MNDA: variants seen among roughly 807,000 people sequenced by gnomAD.
The protein encoded by MNDA is myeloid cell nuclear differentiation antigen, also known as epididymis secretory sperm binding protein.
MNDA carries 43 observed loss-of-function variants against 37.8 expected under a neutral mutation model. That is an observed-to-expected ratio of 1.14 (90% CI 0.89 to 1.47). The LOEUF is 1.47. MNDA is among the 40% of genes most tolerant of loss of function. MNDA has a pLI of 0.00. For missense variants in MNDA, 536 were observed against 476.0 expected, an observed-to-expected ratio of 1.13 and a Z score of -1.17; for synonymous variants, 181 against 169.0, an observed-to-expected ratio of 1.07 and a Z score of -0.55.
intron 1 of MNDA, among the ~76,000 whole-genome samples, chr1:158,833,901 T>C (rs1226233566): frequency 6.6e-6 from 1 of 152,224 alleles, no homozygotes; most frequent in Non-Finnish European, 1.5e-5. Context: ...GGTAATGTTA[T>C]TTTTAATTTT....
At position 158,843,820 on chromosome 1, in the gene MNDA, T is replaced by G. The variant is rs1659078428; in HGVS notation, c.403-135T>G. The G allele has an allele frequency of 4.1e-6, 3 of 734,742 alleles. No homozygotes were observed. The South Asian group carries it at 6.1e-5, about 15-fold the overall frequency. The allele number at this position is 734,742 out of a possible 1,614,324, so 45.5% of individuals were successfully genotyped here. A position where few individuals can be genotyped will look rare whatever the true frequency, so the allele number is the denominator to read the frequency against. Reference sequence around the variant, plus strand: ...TTGTCCATATCTTCAAGTGACAGATTGTAATTCCCTGGGGTTTCCAAGGAC... The same window carrying G: ...TTGTCCATATCTTCAAGTGACAGATGGTAATTCCCTGGGGTTTCCAAGGAC... On this transcript the variant is annotated intron_variant, in intron 3 of 6. Transcript: ENST00000368141.
chr1:158,834,049 A>C (rs1387817731), intron 1 of MNDA, among the ~76,000 whole-genome samples: 1 of 152,132 alleles, frequency 6.6e-6, no homozygotes, highest in Non-Finnish European at 1.5e-5. Flanking sequence ...AGTACCAAAA[A>C]ACATCATCCT....
At position 158,845,772 on chromosome 1, in the gene MNDA, C is replaced by G; in HGVS notation, c.756C>G (p.Phe252Leu). Residue 252 changes from phenylalanine to leucine, a missense_variant, in exon 5 of 7, where the codon TTC becomes TTG. Physicochemically the swap from Phe to Leu is conservative, Grantham distance 22. Transcript: ENST00000368141. ...SKTQYFHVKV[F>L]DINLKEKFVR... is the part of the protein sequence containing the mutation. ...CTCAATATTTCCATGTGAAAGTCTTCGACATCAACTTGAAAGAGAAATTTG... is the reference window on the plus strand; with the variant it reads ...CTCAATATTTCCATGTGAAAGTCTTGGACATCAACTTGAAAGAGAAATTTG... 1 of 1,613,978 alleles carries G rather than the reference C, an allele frequency of 6.2e-7. No individual in the cohort carries two copies. Among genetic ancestry groups the G allele is most frequent in the Non-Finnish European group, 8.5e-7 (1 of 1,179,974 alleles).
In MNDA at chr1:158,847,226, T is replaced by C. The variant is rs188918542; in HGVS notation, c.988-502T>C. 7.9e-5 allele frequency among the ~76,000 whole-genome samples: 12 copies of C among 152,300 alleles called. No homozygotes were observed. The East Asian group carries it at 2.3e-3, about 29-fold the overall frequency. On this transcript the variant is annotated intron_variant, in intron 5 of 6. Transcript: ENST00000368141. ...GGTACAATGTACACTACTTGGGTAA[T>C]GGCTGCCCTAAAATCTCAGAATTCA...
At chr1:158,831,847 G>T (rs904352682) in intron 1 of MNDA, among the ~76,000 whole-genome samples, 3 of 152,036 alleles carry the variant, frequency 2.0e-5, no homozygotes, top group African/African-American at 7.2e-5. Flanking sequence ...GGTTTTCTTG[G>T]CTGGAGGATG....
chr1:158,849,066 A>T, intron 6 of MNDA, 124 bp from the exon 7 acceptor site: 1 of 580,970 alleles, frequency 1.7e-6, no homozygotes. Flanking sequence ...GAGCTTTCAT[A>T]GGGGATAAGG....
chr1:158,839,140 C>T (rs1658981096), intron 1 of MNDA, among the ~76,000 whole-genome samples: 1 of 151,966 alleles, frequency 6.6e-6, no homozygotes, highest in Non-Finnish European at 1.5e-5. Flanking sequence ...TTACCTGTTT[C>T]TTTGTATACC....
rs376308458 is a variant in MNDA, at chr1:158,844,007, C to T, written c.455C>T (p.Ser152Phe). ...ACTGAAGCCAAAAGGAATAAGGTGT[C>T]CCAAGAGCAGAGTAAGCCCCCAGGT... ...EKTEAKRNKV[S>F]QEQSKPPGPS... The change falls in exon 4 of 7, where the codon TCC becomes TTC. Residue 152 changes from serine to phenylalanine, a missense_variant. By Grantham distance (155) the Ser-to-Phe change is radical (BLOSUM62 -2). Transcript: ENST00000368141. The T allele has an allele frequency of 6.2e-6, 10 of 1,613,114 alleles. No homozygotes were observed. The highest frequency in any genetic ancestry group is 4.4e-5 in the South Asian group (4 of 90,958).
intron 6 of MNDA, among the ~76,000 whole-genome samples, chr1:158,848,421 G>A (rs998861772): frequency 2.6e-5 from 4 of 151,828 alleles, no homozygotes; most frequent in Non-Finnish European, 5.9e-5. Context: ...GGGACTTTTA[G>A]GCAAAGGAAA....
At chr1:158,846,608 C>T (rs921797794) in intron 5 of MNDA, among the ~76,000 whole-genome samples, 1 of 151,814 alleles carries the variant, frequency 6.6e-6, no homozygotes, top group Admixed American at 6.6e-5. Flanking sequence ...AAGGCAATCT[C>T]TTCATACTAT....
intron 1 of MNDA, 41 bp downstream of exon 1, chr1:158,831,598 T>C (rs1364336859): frequency 6.6e-6 from 1 of 152,210 alleles, no homozygotes; most frequent in Non-Finnish European, 1.5e-5. Flanking sequence ...GATCTAGGTA[T>C]CTAGTTGGTA....
At position 158,842,139 on chromosome 1, in the gene MNDA, G is replaced by A. The variant is rs1423754181; in HGVS notation, c.-15G>A. ...GTGTCATTTTTACTTTATAGGCCAAGCTATAACATCAGAAATGGTGAATGA... is the reference window on the plus strand; with the variant it reads ...GTGTCATTTTTACTTTATAGGCCAAACTATAACATCAGAAATGGTGAATGA... On this transcript the variant is annotated 5_prime_UTR_variant, in exon 2 of 7. Coordinates refer to ENST00000368141, the MANE Select transcript of MNDA (RefSeq NM_002432.3). The A allele has an allele frequency of 6.3e-7, 1 of 1,598,828 alleles. No individual in the cohort carries two copies.
chr1:158,841,582 G>A (rs1376881958), intron 1 of MNDA, among the ~76,000 whole-genome samples: 1 of 152,180 alleles, frequency 6.6e-6, no homozygotes, highest in Non-Finnish European at 1.5e-5. Context: ...GAGAAAAAGT[G>A]CTAACGAGAG....
intron 1 of MNDA, among the ~76,000 whole-genome samples, chr1:158,838,905 G>C (rs1432080704): frequency 6.6e-6 from 1 of 152,060 alleles, no homozygotes; most frequent in African/African-American, 2.4e-5. Flanking sequence ...GTGTTTTTCA[G>C]CTTCAGAATT....
In MNDA at chr1:158,842,226, AT is replaced by A. The variant is rs775955715; in HGVS notation, c.75del (p.Lys26SerfsTer8). 3 of 1,614,030 alleles carry A rather than the reference AT, an allele frequency of 1.9e-6. No homozygotes were observed. Among genetic ancestry groups the A allele is most frequent in the Non-Finnish European group, 2.5e-6 (3 of 1,179,900 alleles). On this transcript the variant is annotated frameshift_variant, in exon 2 of 7. Coordinates refer to ENST00000368141, the MANE Select transcript of MNDA (RefSeq NM_002432.3). LOFTEE classifies it high-confidence loss of function. Reference sequence around the variant, plus strand: ...CATGGATGATTATCATTTTACATCAATTAAGTCCTTACTGGCCTATGATTTA... The same window carrying A: ...CATGGATGATTATCATTTTACATCAATAAGTCCTTACTGGCCTATGATTTA... ...ELMDDYHFTS[I>X]KSLLAYDLGL...
intron 4 of MNDA, among the ~76,000 whole-genome samples, chr1:158,845,148 G>A (rs1424174955): frequency 1.3e-5 from 2 of 152,306 alleles, no homozygotes; most frequent in East Asian, 1.9e-4. Flanking sequence ...ATCTGTGAAA[G>A]TTGTTGGGTC....
Position 158,835,615 on chromosome 1 carries a change from T to TG in MNDA, c.-21+4063dup, listed in dbSNP as rs1340462483. 8.2e-3 allele frequency among the ~76,000 whole-genome samples: 316 copies of TG among 38,554 alleles called. 2 individuals carry two copies. Among genetic ancestry groups the TG allele is most frequent in the African/African-American group, 0.015 (140 of 9,654 alleles). The allele number at this position is 38,554 out of a possible 152,430, so 25.3% of individuals were successfully genotyped here. A position where few individuals can be genotyped will look rare whatever the true frequency, so the allele number is the denominator to read the frequency against. ...TTTTCTGTTTATTGCCTATTTTTGG[T>TG]GGGGGCGGGGGGTGGGTGTTAAACC... On this transcript the variant is annotated intron_variant, in intron 1 of 6. Coordinates refer to ENST00000368141, the MANE Select transcript of MNDA (RefSeq NM_002432.3).
At chr1:158,836,671 A>G (rs1003559117) in intron 1 of MNDA, among the ~76,000 whole-genome samples, 1 of 151,694 alleles carries the variant, frequency 6.6e-6, no homozygotes, top group Admixed American at 6.6e-5. Flanking sequence ...TCAGAAAACC[A>G]ACTCTTTTTT....
At chr1:158,842,742 A>G (rs1404072094) in intron 2 of MNDA, 1 of 205,932 alleles carries the variant, frequency 4.9e-6, no homozygotes, top group Non-Finnish European at 9.7e-6. Context: ...TTTTATTTGA[A>G]ATATTTATAT....
Sources: allele counts gnomAD v4.1 joint callset (sites outside exome capture counted in the v4.1 genomes callset), GRCh38; gene constraint gnomAD v4.1.1; transcripts MANE v1.5; gene names NCBI Gene and HGNC (gene_info 2026-07-23, HGNC 2026-07-21).